The following TNFRSF19 variants were observed in gnomAD, a reference collection of about 807,000 sequenced individuals.
TNFRSF19 encodes TNF receptor superfamily member 19.
In TNFRSF19, 27 loss-of-function variants were observed where a neutral mutation model predicts 46.4. The observed-to-expected ratio is 0.58, with a 90% CI of 0.43 to 0.80. The LOEUF (loss-of-function observed/expected upper bound fraction) is 0.80. Ranked by LOEUF, TNFRSF19 falls within the 30% of genes least tolerant of loss-of-function variation. TNFRSF19 has a pLI of 0.00. For missense variants in TNFRSF19, 511 were observed against 530.8 expected (o/e 0.96, Z 0.37); for synonymous variants, 204 against 205.0 (o/e 1.00, Z 0.04).
intron 3 of TNFRSF19, among the ~76,000 whole-genome samples, chr13:23,595,493 C>T (rs1879655038): frequency 6.6e-6 from 1 of 151,884 alleles, no homozygotes; most frequent in Admixed American, 6.6e-5. Context: ...ATCAATCAGG[C>T]AGAAGAAAGG....
intron 5 of TNFRSF19, among the ~76,000 whole-genome samples, chr13:23,642,454 G>A (rs1432764927): frequency 6.6e-6 from 1 of 152,194 alleles, no homozygotes; most frequent in Non-Finnish European, 1.5e-5. Flanking sequence ...AAAATCCTGT[G>A]AAATACATAT....
chr13:23,582,114 C>T (rs774816497), intron 1 of TNFRSF19, among the ~76,000 whole-genome samples: 43 of 151,552 alleles, frequency 2.8e-4, no homozygotes, highest in Non-Finnish European at 5.7e-4. Context: ...GGCACGGTGG[C>T]TCACGCCTGT....
chr13:23,662,203 T>C (rs1204350834), intron 7 of TNFRSF19, among the ~76,000 whole-genome samples: 1 of 152,222 alleles, frequency 6.6e-6, no homozygotes, highest in African/African-American at 2.4e-5. Context: ...TCTGAGTTGA[T>C]TTTTGTATAT....
chr13:23,660,284 T>C (rs1216473671), intron 6 of TNFRSF19, 81 bp from the exon 7 acceptor site: 1 of 1,402,982 alleles, frequency 7.1e-7, no homozygotes, highest in Non-Finnish European at 9.6e-7. Flanking sequence ...ATTTGTTCTT[T>C]AAAAATACAA....
At chr13:23,664,335 A>G (rs979992379) in intron 7 of TNFRSF19, among the ~76,000 whole-genome samples, 1 of 151,980 alleles carries the variant, frequency 6.6e-6, no homozygotes, top group African/African-American at 2.4e-5. Context: ...CTTGACTTCT[A>G]TTTTTATTGC....
At chr13:23,588,930 G>A (rs957998073) in intron 1 of TNFRSF19, among the ~76,000 whole-genome samples, 3 of 152,228 alleles carry the variant, frequency 2.0e-5, no homozygotes, top group Admixed American at 2.0e-4. Context: ...AGTGGACGTG[G>A]TTCATCTGGG....
intron 4 of TNFRSF19, among the ~76,000 whole-genome samples, chr13:23,621,986 G>C (rs559641213): frequency 6.6e-6 from 1 of 151,640 alleles, no homozygotes; most frequent in South Asian, 2.1e-4. Flanking sequence ...AAGCAGACCA[G>C]ATACTGTTGA....
chr13:23,609,283 G>A (rs941151850), intron 3 of TNFRSF19, among the ~76,000 whole-genome samples: 1 of 152,096 alleles, frequency 6.6e-6, no homozygotes, highest in Non-Finnish European at 1.5e-5. Context: ...ACAAAAGCTT[G>A]TTCTGGGCGC....
At chr13:23,620,749 C>CA (rs1480965005) in intron 4 of TNFRSF19, among the ~76,000 whole-genome samples, 1 of 152,188 alleles carries the variant, frequency 6.6e-6, no homozygotes, top group Admixed American at 6.5e-5. Flanking sequence ...AACAGGCCTC[C>CA]AAGCTCCTCT....
intron 7 of TNFRSF19, among the ~76,000 whole-genome samples, chr13:23,662,031 TAAG>T (rs1884398498): frequency 6.6e-6 from 1 of 152,278 alleles, no homozygotes; most frequent in Admixed American, 6.5e-5. Context: ...CAGAAGGTCT[TAAG>T]TTTAATTAGA....
chr13:23,632,855 G>C (rs1309145612), intron 5 of TNFRSF19, among the ~76,000 whole-genome samples: 1 of 152,154 alleles, frequency 6.6e-6, no homozygotes, highest in African/African-American at 2.4e-5. Context: ...AGCTAATCGA[G>C]GCAGAGATGG....
chr13:23,605,312 A>G (rs562093416), intron 3 of TNFRSF19, among the ~76,000 whole-genome samples: 1 of 152,264 alleles, frequency 6.6e-6, no homozygotes, highest in South Asian at 2.1e-4. Flanking sequence ...CACAGACAAC[A>G]TTGAAGGCTG....
At chr13:23,595,164 A>G (rs1394140253) in intron 3 of TNFRSF19, among the ~76,000 whole-genome samples, 1 of 152,232 alleles carries the variant, frequency 6.6e-6, no homozygotes, top group African/African-American at 2.4e-5. Context: ...AACCAGTGCA[A>G]AAAGGCTGAA....
rs1308112586 is a variant in TNFRSF19, at chr13:23,674,156, AG to A, written c.*778del. The A allele has an allele frequency of 1.3e-5, 2 of 152,224 alleles. No homozygotes were observed. Among genetic ancestry groups the A allele is most frequent in the African/African-American group, 4.8e-5 (2 of 41,452 alleles). The allele number at this position is 152,224 out of a possible 1,614,324, so 9.4% of individuals were successfully genotyped here. A position where few individuals can be genotyped will look rare whatever the true frequency, so the allele number is the denominator to read the frequency against. Reference sequence around the variant, plus strand: ...ACATATTGTAGAGACTTGTATGCAAAGGTTGGCATATTTATATGAAAATTAG... The same window carrying A: ...ACATATTGTAGAGACTTGTATGCAAAGTTGGCATATTTATATGAAAATTAG... On this transcript the variant is annotated 3_prime_UTR_variant, in exon 10 of 10. Transcript: ENST00000248484.
intron 5 of TNFRSF19, among the ~76,000 whole-genome samples, chr13:23,657,333 T>C (rs1884046845): frequency 6.6e-6 from 1 of 152,154 alleles, no homozygotes; most frequent in Non-Finnish European, 1.5e-5. Context: ...TACGATCTTA[T>C]TGGGAGTGAG....
intron 5 of TNFRSF19, among the ~76,000 whole-genome samples, chr13:23,640,208 A>T (rs1359626693): frequency 6.6e-6 from 1 of 152,132 alleles, no homozygotes; most frequent in African/African-American, 2.4e-5. Context: ...AATGGTCTTG[A>T]TTCGACAGGG....
At chr13:23,574,718 T>G (rs1877849384) in intron 1 of TNFRSF19, among the ~76,000 whole-genome samples, 1 of 152,148 alleles carries the variant, frequency 6.6e-6, no homozygotes, top group Non-Finnish European at 1.5e-5. Flanking sequence ...TTTAAAACGT[T>G]GTCCACCTGG....
intron 1 of TNFRSF19, among the ~76,000 whole-genome samples, chr13:23,585,029 G>A (rs1878722187): frequency 6.6e-6 from 1 of 152,096 alleles, no homozygotes; most frequent in Non-Finnish European, 1.5e-5. Flanking sequence ...AGTCATTCGT[G>A]ATTATGTTGT....
chr13:23,655,644 G>A (rs376688468), intron 5 of TNFRSF19, among the ~76,000 whole-genome samples: 24 of 152,108 alleles, frequency 1.6e-4, no homozygotes, highest in African/African-American at 4.6e-4. Context: ...TTCCTTTAGC[G>A]TAGATAAGTT....
Sources: gnomAD v4.1 joint callset for allele counts (sites outside exome capture counted in the v4.1 genomes callset) on GRCh38, gnomAD v4.1.1 for gene constraint, MANE v1.5 for transcripts, NCBI Gene and HGNC (gene_info 2026-07-23, HGNC 2026-07-21) for gene names.